Variants in AAK1 observed in about 807,000 individuals in gnomAD.
AAK1 encodes AP2 associated kinase 1.
In AAK1, 37 loss-of-function variants were observed where a neutral mutation model predicts 116.0. The observed-to-expected ratio is 0.32, with a 90% CI of 0.25 to 0.42. The LOEUF (loss-of-function observed/expected upper bound fraction) is 0.42, where lower values mean the gene tolerates loss of function less well. Ranked by LOEUF, AAK1 falls within the 10% of genes least tolerant of loss-of-function variation. The probability of loss-of-function intolerance (pLI) is 1.00; values close to 1 mark genes in which losing one functional copy is unlikely to be tolerated. For synonymous variants in AAK1, 458 were observed against 439.9 expected, an observed-to-expected ratio of 1.04 and a Z score of -0.51; for missense variants, 919 against 1,170.6, an observed-to-expected ratio of 0.79 and a Z score of 3.14.
chr2:69,475,534 T>C lies in AAK1; in HGVS notation c.*335A>G. 9.4e-7 allele frequency: 1 copy of C among 1,064,550 alleles called. No homozygotes were observed. Among genetic ancestry groups the C allele is most frequent in the Non-Finnish European group, 1.1e-6 (1 of 879,406 alleles). The allele number at this position is 1,064,550 out of a possible 1,614,324, so 65.9% of individuals were successfully genotyped here. The stretch of plus-strand genomic sequence containing the variant: ...GAACGAGACAAAAGTGTCAATTCAC[T>C]AGTTTCAGTTACAGTTAAGCTTTTG... On this transcript the variant is annotated 3_prime_UTR_variant, in exon 22 of 22. Transcript: ENST00000409085.
In AAK1 at chr2:69,460,154, A is replaced by T. The variant is rs1674304842; in HGVS notation, c.*15715T>A. 1 of 152,430 alleles carries T rather than the reference A, an allele frequency of 6.6e-6. No individual in the cohort carries two copies. The highest frequency in any genetic ancestry group is 2.4e-5 in the African/African-American group (1 of 41,382). The allele number at this position is 152,430 out of a possible 1,614,324, so 9.4% of individuals were successfully genotyped here. A position where few individuals can be genotyped will look rare whatever the true frequency, so the allele number is the denominator to read the frequency against. On this transcript the variant is annotated 3_prime_UTR_variant, in exon 22 of 22. Transcript: ENST00000409085. Reference sequence around the variant, plus strand: ...ACCACATCTGTGGTTTTATCCAGCAACCATTTCACAGTCGACTGGCACGTG... The same window carrying T: ...ACCACATCTGTGGTTTTATCCAGCATCCATTTCACAGTCGACTGGCACGTG...
chr2:69,486,539 T>C (rs1324220312), intron 17 of AAK1, among the ~76,000 whole-genome samples: 1 of 152,070 alleles, frequency 6.6e-6, no homozygotes, highest in African/African-American at 2.4e-5. Flanking sequence ...GCACAGGCCA[T>C]GTCTATGTAA....
chr2:69,642,988 G>T lies in AAK1; in HGVS notation c.53C>A (p.Ser18Tyr). 1 of 1,612,254 alleles carries T rather than the reference G, an allele frequency of 6.2e-7. No individual in the cohort carries two copies. Among genetic ancestry groups the T allele is most frequent in the Non-Finnish European group, 8.5e-7 (1 of 1,179,282 alleles). Residue 18 changes from serine (S) to tyrosine (Y), a missense_variant, in exon 2 of 22, where the codon TCC becomes TAC. Transcript: ENST00000409085. ...RREQGGSGLG[S>Y]GSSGGGGSTS... ...GCTGCCCCCTCCTCCGCTGGAGCCG[G>T]AGCCCAGGCCAGAGCCGCCCTGCTC... is the stretch of plus-strand genomic sequence containing the variant.
chr2:69,627,434 G>A (rs1258770565), intron 2 of AAK1, among the ~76,000 whole-genome samples: 1 of 152,122 alleles, frequency 6.6e-6, no homozygotes, highest in Admixed American at 6.6e-5. Context: ...TACACTGGGC[G>A]GTAAAGGACA....
At chr2:69,612,916 T>C (rs757105824) in intron 2 of AAK1, among the ~76,000 whole-genome samples, 4 of 152,238 alleles carry the variant, frequency 2.6e-5, no homozygotes, top group Non-Finnish European at 4.4e-5. Flanking sequence ...ACTAGGCTTC[T>C]GGACCTTTAG....
rs1160714509 is a variant in AAK1 at position 69,460,346 on chromosome 2, T to C, written c.*15523A>G. 1.3e-5 allele frequency: 2 copies of C among 150,142 alleles called. No individual in the cohort carries two copies. Among genetic ancestry groups the C allele is most frequent in the Admixed American group, 1.3e-4 (2 of 15,198 alleles). The allele number at this position is 150,142 out of a possible 1,614,324, so 9.3% of individuals were successfully genotyped here. A position where few individuals can be genotyped will look rare whatever the true frequency, so the allele number is the denominator to read the frequency against. On this transcript the variant is annotated 3_prime_UTR_variant, in exon 22 of 22. Coordinates refer to ENST00000409085, the MANE Select transcript of AAK1 (RefSeq NM_014911.5). ...CCTATGTGATATACTGCATATATATTATATCTGATATATGTTTTGATTATT... is the reference window on the plus strand; with the variant it reads ...CCTATGTGATATACTGCATATATATCATATCTGATATATGTTTTGATTATT...
chr2:69,521,032 A>G (rs535518609), intron 10 of AAK1, 44 bp from the exon 11 acceptor site: 1 of 1,607,026 alleles, frequency 6.2e-7, no homozygotes, highest in African/African-American at 1.3e-5. Context: ...GTATGGGAAA[A>G]ATGGAAGGGA....
At chr2:69,520,095 TC>T in intron 11 of AAK1, 1 of 230,554 alleles carries the variant, frequency 4.3e-6, no homozygotes, top group South Asian at 7.9e-5. Context: ...CCCAATCATC[TC>T]CCCTAGCCCA....
intron 17 of AAK1, among the ~76,000 whole-genome samples, chr2:69,487,124 C>T (rs761451297): frequency 2.6e-5 from 4 of 152,144 alleles, no homozygotes; most frequent in Non-Finnish European, 4.4e-5. Context: ...GTTTTGATTG[C>T]TTTAAAATGT....
chr2:69,619,593 C>T (rs1007733540), intron 2 of AAK1, among the ~76,000 whole-genome samples: 4 of 152,054 alleles, frequency 2.6e-5, no homozygotes, highest in African/African-American at 9.7e-5. Flanking sequence ...CAAACAAGCA[C>T]GTTATATAGC....
intron 2 of AAK1, among the ~76,000 whole-genome samples, chr2:69,559,056 G>A (rs9789387): frequency 0.36 from 55,039 of 151,878 alleles, 10,394 homozygotes; most frequent in East Asian, 0.58. Context: ...CTTCAGTTCC[G>A]AATGTGGACT....
chr2:69,543,828 A>T (rs1670820662), intron 4 of AAK1, among the ~76,000 whole-genome samples: 1 of 152,204 alleles, frequency 6.6e-6, no homozygotes, highest in African/African-American at 2.4e-5. Context: ...TATAAAATGC[A>T]ATTAACTCTG....
intron 20 of AAK1, 67 bp from the exon 21 acceptor site, chr2:69,477,057 G>A: frequency 9.5e-7 from 1 of 1,049,718 alleles, no homozygotes; most frequent in Non-Finnish European, 1.4e-6. Context: ...GAGAGAATGT[G>A]AAAGAGGCAC....
At chr2:69,597,996 A>T (rs1193015226) in intron 2 of AAK1, 4 of 340,418 alleles carry the variant, frequency 1.2e-5, no homozygotes, top group Non-Finnish European at 2.1e-5. Flanking sequence ...GAGATAAGAG[A>T]TTCTTACGTT....
chr2:69,564,976 T>C (rs765062149), intron 2 of AAK1, among the ~76,000 whole-genome samples: 2 of 152,216 alleles, frequency 1.3e-5, no homozygotes, highest in Non-Finnish European at 2.9e-5. Context: ...GTATGATACA[T>C]TACTTATCAT....
intron 12 of AAK1, among the ~76,000 whole-genome samples, chr2:69,515,428 T>A (rs1419093703): frequency 6.6e-6 from 1 of 151,896 alleles, no homozygotes; most frequent in African/African-American, 2.4e-5. Context: ...TGGGCTCAAG[T>A]GATCATTCCA....
chr2:69,541,496 T>C (rs1425394194), intron 5 of AAK1, among the ~76,000 whole-genome samples: 2 of 152,218 alleles, frequency 1.3e-5, no homozygotes, highest in African/African-American at 2.4e-5. Flanking sequence ...CCTCCTGAAG[T>C]GCTGGGATTA....
chr2:69,643,687 C>T lies in AAK1; in HGVS notation c.-347G>A. On this transcript the variant is annotated 5_prime_UTR_variant, in exon 1 of 22. Transcript: ENST00000409085. ...GGCGCTGCAGCGAGAGCCGGGGCCG[C>T]GCTCGGCTCCCGCCCGCCCGCCAGC... 1.6e-6 allele frequency: 2 copies of T among 1,221,398 alleles called. No individual in the cohort carries two copies. The highest frequency in any genetic ancestry group is 3.2e-5 in the East Asian group (1 of 30,858). 75.7% of individuals were successfully genotyped at this position (1,221,398 alleles called of 1,614,324 possible).
chr2:69,479,061 T>C lies in AAK1; in HGVS notation c.2570A>G (p.Asp857Gly). Residue 857 changes from aspartate (D) to glycine (G), a missense_variant and splice_region_variant, in exon 20 of 22, where the codon GAT (aspartate) becomes GGT (glycine). By Grantham distance (94) the Asp-to-Gly change is moderately conservative. Transcript: ENST00000409085. The stretch of plus-strand genomic sequence containing the variant: ...CAGGGAATCTTCCCCGGTGAGAGAA[T>C]CTGAGTCCAGATTAACAGCATCCCA... The part of the protein sequence containing the change: ...QTESVTSNRT[D>G]SLTGEDSLLD... 2 of 1,604,844 alleles carry C rather than the reference T, an allele frequency of 1.2e-6. No individual in the cohort carries two copies. The highest frequency in any genetic ancestry group is 1.7e-5 in the Admixed American group (1 of 59,934).
Sources: allele counts gnomAD v4.1 joint callset (sites outside exome capture counted in the v4.1 genomes callset), GRCh38; gene constraint gnomAD v4.1.1; transcripts MANE v1.5; gene names NCBI Gene and HGNC (gene_info 2026-07-23, HGNC 2026-07-21).